Variants in TNFRSF19 observed in about 807,000 individuals in gnomAD.
The protein encoded by TNFRSF19 is TNF receptor superfamily member 19.
Under a neutral mutation model 46.4 loss-of-function variants are expected in TNFRSF19, and 27 were observed. The observed-to-expected ratio is 0.58, with a 90% CI of 0.43 to 0.80. The LOEUF (loss-of-function observed/expected upper bound fraction) is 0.80, where lower values mean the gene tolerates loss of function less well. TNFRSF19 is among the 30% of genes least tolerant of loss of function. TNFRSF19 has a pLI of 0.00. For missense variants in TNFRSF19, 511 were observed against 530.8 expected (o/e 0.96, Z 0.37); for synonymous variants, 204 against 205.0 (o/e 1.00, Z 0.04).
intron 2 of TNFRSF19, among the ~76,000 whole-genome samples, chr13:23,592,369 A>T (rs1373497152): frequency 6.6e-6 from 1 of 152,200 alleles, no homozygotes; most frequent in Non-Finnish European, 1.5e-5. Flanking sequence ...GATGCTGCTA[A>T]TACCAGCATT....
chr13:23,660,464 G>A lies in TNFRSF19; in HGVS notation c.710G>A (p.Cys237Tyr), dbSNP rs1301676590. Residue 237 changes from cysteine (C) to tyrosine (Y), a missense_variant, in exon 7 of 10, where the codon TGC becomes TAC. Transcript: ENST00000248484. ...HEYAHRACCQCRRDSVQTCGP... is the reference protein window; with the variant it reads ...HEYAHRACCQYRRDSVQTCGP... ...TATGCCCACAGAGCCTGCTGCCAGT[G>A]CCGCCGTGACTCAGTGCAGACCTGC... 26 of 1,613,482 alleles carry A rather than the reference G, an allele frequency of 1.6e-5. No individual in the cohort carries two copies. The highest frequency in any genetic ancestry group is 2.0e-5 in the Non-Finnish European group (24 of 1,179,998).
chr13:23,639,309 T>C (rs7990010), intron 5 of TNFRSF19, among the ~76,000 whole-genome samples: 120,165 of 152,052 alleles, frequency 0.79, 47,920 homozygotes, highest in Non-Finnish European at 0.85. Context: ...AGGAGAATCA[T>C]TTGAACCCGG....
intron 9 of TNFRSF19, among the ~76,000 whole-genome samples, chr13:23,671,097 C>CT (rs1180132878): frequency 6.6e-6 from 1 of 152,176 alleles, no homozygotes; most frequent in African/African-American, 2.4e-5. Context: ...TTGATAAGCA[C>CT]TGTCATCACA....
At position 23,621,778 on chromosome 13, in the gene TNFRSF19, T is replaced by TA. The variant is rs201195182; in HGVS notation, c.360-4915dup. 9.6e-4 allele frequency among the ~76,000 whole-genome samples: 142 copies of TA among 147,208 alleles called. 1 individual carries two copies. Among genetic ancestry groups the TA allele is most frequent in the African/African-American group, 2.9e-3 (117 of 39,710 alleles). On this transcript the variant is annotated intron_variant, in intron 4 of 9. Coordinates refer to ENST00000248484, the MANE Select transcript of TNFRSF19 (RefSeq NM_148957.4). ...GGGCAACATGGCGAAACCCTATCTC[T>TA]AAAAAAAAAAAAAATACAAAAATTA... is the stretch of plus-strand genomic sequence containing the variant.
chr13:23,615,916 T>C lies in TNFRSF19; in HGVS notation c.230T>C (p.Leu77Pro). The C allele has an allele frequency of 6.2e-7, 1 of 1,613,894 alleles. No individual in the cohort carries two copies. The highest frequency in any genetic ancestry group is 8.5e-7 in the Non-Finnish European group (1 of 1,179,820). ...GEDAQCVTCRLHRFKEDWGFQ... is the reference protein window; with the variant it reads ...GEDAQCVTCRPHRFKEDWGFQ... ...GATGCACAGTGTGTGACGTGCCGGCTGCACAGGTTCAAGGAGGACTGGGGC... is the reference window on the plus strand; with the variant it reads ...GATGCACAGTGTGTGACGTGCCGGCCGCACAGGTTCAAGGAGGACTGGGGC... The change falls in exon 4 of 10, where the codon CTG (leucine) becomes CCG (proline). Residue 77 changes from leucine (L) to proline (P), a missense_variant. Coordinates refer to ENST00000248484, the MANE Select transcript of TNFRSF19 (RefSeq NM_148957.4).
At chr13:23,617,235 G>A (rs4411364) in intron 4 of TNFRSF19, among the ~76,000 whole-genome samples, 3 of 151,960 alleles carry the variant, frequency 2.0e-5, no homozygotes, top group Non-Finnish European at 4.4e-5. Flanking sequence ...AGAGGGAGGC[G>A]TGCAGTACAC....
At chr13:23,611,037 T>A (rs1258955963) in intron 3 of TNFRSF19, among the ~76,000 whole-genome samples, 1 of 152,016 alleles carries the variant, frequency 6.6e-6, no homozygotes, top group African/African-American at 2.4e-5. Context: ...CATAATCACA[T>A]ATCCCTTATC....
At chr13:23,639,332 G>T (rs1232599252) in intron 5 of TNFRSF19, among the ~76,000 whole-genome samples, 3 of 152,188 alleles carry the variant, frequency 2.0e-5, no homozygotes, top group Non-Finnish European at 2.9e-5. Flanking sequence ...GGCAGAGGTT[G>T]CAGTGAGCCA....
At chr13:23,601,417 A>G (rs576842130) in intron 3 of TNFRSF19, among the ~76,000 whole-genome samples, 2 of 152,314 alleles carry the variant, frequency 1.3e-5, no homozygotes, top group South Asian at 4.1e-4. Context: ...AGGACAAATA[A>G]AGACTTTCTC....
At chr13:23,605,132 A>G (rs1880423879) in intron 3 of TNFRSF19, among the ~76,000 whole-genome samples, 1 of 152,228 alleles carries the variant, frequency 6.6e-6, no homozygotes, top group African/African-American at 2.4e-5. Context: ...AACAAATCCA[A>G]TTTAAAAATG....
rs948566185 is a variant in TNFRSF19, at chr13:23,674,134, T to A, written c.*754T>A. On this transcript the variant is annotated 3_prime_UTR_variant, in exon 10 of 10. Coordinates refer to ENST00000248484, the MANE Select transcript of TNFRSF19 (RefSeq NM_148957.4). ...CAGCCCATTGCCCAGAATTAACACA[T>A]ATTGTAGAGACTTGTATGCAAAGGT... 5.3e-5 allele frequency: 8 copies of A among 152,166 alleles called. No individual in the cohort carries two copies. The highest frequency in any genetic ancestry group is 1.9e-4 in the African/African-American group (8 of 41,436). The allele number at this position is 152,166 out of a possible 1,614,324, so 9.4% of individuals were successfully genotyped here.
intron 9 of TNFRSF19, chr13:23,669,820 A>C: frequency 1.6e-6 from 1 of 613,640 alleles, no homozygotes; most frequent in Non-Finnish European, 2.0e-6. Flanking sequence ...GCTGAATTTG[A>C]CCTAATGTTT....
intron 1 of TNFRSF19, among the ~76,000 whole-genome samples, chr13:23,572,209 T>C (rs949064234): frequency 2.6e-5 from 4 of 152,208 alleles, no homozygotes; most frequent in Non-Finnish European, 5.9e-5. Context: ...AAGTGTGTCA[T>C]TAATAACTTA....
intron 9 of TNFRSF19, among the ~76,000 whole-genome samples, chr13:23,672,279 C>T (rs923947540): frequency 6.6e-6 from 1 of 152,072 alleles, no homozygotes; most frequent in African/African-American, 2.4e-5. Context: ...CAGAAGGGAA[C>T]AAAACTGAGA....
At chr13:23,635,415 G>A (rs1186949466) in intron 5 of TNFRSF19, among the ~76,000 whole-genome samples, 1 of 152,158 alleles carries the variant, frequency 6.6e-6, no homozygotes, top group African/African-American at 2.4e-5. Context: ...GTCTCACTCT[G>A]TCATCCAGGC....
At chr13:23,640,517 G>T (rs1882974461) in intron 5 of TNFRSF19, among the ~76,000 whole-genome samples, 1 of 152,208 alleles carries the variant, frequency 6.6e-6, no homozygotes, top group Non-Finnish European at 1.5e-5. Flanking sequence ...CAGATGAGCT[G>T]CTCTTTCTGG....
At chr13:23,651,628 A>G (rs1394273432) in intron 5 of TNFRSF19, among the ~76,000 whole-genome samples, 1 of 152,162 alleles carries the variant, frequency 6.6e-6, no homozygotes, top group African/African-American at 2.4e-5. Context: ...CTTTAAAATA[A>G]CACATAAAAT....
chr13:23,636,165 G>T (rs114415545), intron 5 of TNFRSF19, among the ~76,000 whole-genome samples: 2,343 of 152,272 alleles, frequency 0.015, 23 homozygotes, highest in Middle Eastern at 0.024. Flanking sequence ...TCTCTGTCAA[G>T]AGACCAACGG....
intron 5 of TNFRSF19, among the ~76,000 whole-genome samples, chr13:23,653,330 G>C (rs763530476): frequency 1.3e-4 from 20 of 152,186 alleles, no homozygotes; most frequent in Non-Finnish European, 2.5e-4. Context: ...GCTTAACGAC[G>C]AGCCTGGTGG....
Sources: gnomAD v4.1 joint callset for allele counts (sites outside exome capture counted in the v4.1 genomes callset) on GRCh38, gnomAD v4.1.1 for gene constraint, MANE v1.5 for transcripts, NCBI Gene and HGNC (gene_info 2026-07-23, HGNC 2026-07-21) for gene names.